Variants in UNC13A observed in about 807,000 individuals in gnomAD.
The protein encoded by UNC13A is protein unc-13 homolog A.
UNC13A carries 61 observed loss-of-function variants against 219.7 expected under a neutral mutation model. The observed-to-expected ratio is 0.28, with a 90% confidence interval of 0.23 to 0.34. UNC13A has a LOEUF of 0.34. Ranked by LOEUF, UNC13A falls within the 10% of genes least tolerant of loss-of-function variation. UNC13A has a pLI of 1.00. For missense variants in UNC13A, 1,476 were observed against 2,270.3 expected (o/e 0.65, Z 7.11); for synonymous variants, 920 against 884.6 (o/e 1.04, Z -0.71).
chr19:17,630,809 C>T (rs1400332201), intron 28 of UNC13A, 59 bp from the exon 29 acceptor site: 12 of 1,515,070 alleles, frequency 7.9e-6, no homozygotes, highest in African/African-American at 6.9e-5. Context: ...ACCTCTGCGC[C>T]GCCTGGTTCT....
chr19:17,637,692 CCTCAA>C (rs1782773888), intron 25 of UNC13A, among the ~76,000 whole-genome samples: 1 of 152,060 alleles, frequency 6.6e-6, no homozygotes, highest in African/African-American at 2.4e-5. Context: ...ATCCAGTTCA[CCTCAA>C]CTCAATTCAA....
intron 1 of UNC13A, among the ~76,000 whole-genome samples, chr19:17,679,465 C>T (rs1235416069): frequency 3.4e-5 from 5 of 146,934 alleles, no homozygotes; most frequent in Admixed American, 6.9e-5. Flanking sequence ...CTAGGGAGGG[C>T]AGGCAGGTGG....
chr19:17,680,161 T>G (rs1264765431), intron 1 of UNC13A, among the ~76,000 whole-genome samples: 17 of 100,858 alleles, frequency 1.7e-4, no homozygotes, highest in Admixed American at 6.3e-4. Context: ...GAGGGGAGGG[T>G]GGTATCGGGG....
intron 7 of UNC13A, among the ~76,000 whole-genome samples, chr19:17,664,422 C>T (rs532846386): frequency 9.8e-5 from 15 of 152,312 alleles, no homozygotes; most frequent in African/African-American, 3.1e-4. Context: ...ACGTGCAGTA[C>T]CTGGCACTTC....
At chr19:17,647,513 C>A in intron 16 of UNC13A, 21 bp from the exon 17 acceptor site, 1 of 1,606,258 alleles carries the variant, frequency 6.2e-7, no homozygotes, top group Non-Finnish European at 8.5e-7. Flanking sequence ...CCGAGGCCGG[C>A]GCTGACCCCA....
chr19:17,682,539 C>T (rs928539549), intron 1 of UNC13A, among the ~76,000 whole-genome samples: 3 of 152,066 alleles, frequency 2.0e-5, no homozygotes, highest in Admixed American at 6.6e-5. Context: ...AAAGTGAGGC[C>T]AGGTTAGGGA....
chr19:17,662,901 T>C (rs934812235), intron 8 of UNC13A, among the ~76,000 whole-genome samples: 9 of 129,586 alleles, frequency 6.9e-5, no homozygotes, highest in Admixed American at 3.5e-4. Context: ...GCCTGGGTGA[T>C]AGAGTGAGAC....
chr19:17,670,158 G>A (rs1461503578), intron 4 of UNC13A, among the ~76,000 whole-genome samples: 1 of 151,770 alleles, frequency 6.6e-6, no homozygotes, highest in African/African-American at 2.4e-5. Context: ...GTGTTAGCCA[G>A]GATGGTCTCA....
At position 17,627,613 on chromosome 19, in the gene UNC13A, G is replaced by C; in HGVS notation, c.3832-16C>G. 1 of 1,551,048 alleles carries C rather than the reference G, an allele frequency of 6.4e-7. No homozygotes were observed. Among genetic ancestry groups the C allele is most frequent in the Non-Finnish European group, 8.7e-7 (1 of 1,144,106 alleles). On this transcript the variant is annotated splice_polypyrimidine_tract_variant and intron_variant, in intron 32 of 43. Coordinates refer to ENST00000519716, the MANE Select transcript of UNC13A (RefSeq NM_001080421.3). The surrounding 1 kb of genome is among the most constrained non-coding windows in gnomAD (Gnocchi z 4.7). ...CAGCATCCAGCTAAGGAGGGAGAAGGGACACCAGGCCAGGTTCAGTAAGTA... is the reference window on the plus strand; with the variant it reads ...CAGCATCCAGCTAAGGAGGGAGAAGCGACACCAGGCCAGGTTCAGTAAGTA...
At position 17,639,902 on chromosome 19, in the gene UNC13A, G is replaced by A. The variant is rs2076949915; in HGVS notation, c.2794C>T (p.Arg932Cys). ...AGCTGGTCCAGGAGTTTCACGAAGC[G>A]CTCTTTCTGAGGAGGAAGGGGAGGA... is the stretch of plus-strand genomic sequence containing the variant. The part of the protein sequence containing the change: ...RFAASNFGKE[R>C]FVKLLDQLHN... The change falls in exon 23 of 44, where the codon CGC becomes TGC. Residue 932 changes from arginine to cysteine, a missense_variant. Arg to Cys is a radical substitution (Grantham distance 180). Coordinates refer to ENST00000519716, the MANE Select transcript of UNC13A (RefSeq NM_001080421.3). The A allele has an allele frequency of 1.2e-6, 2 of 1,613,626 alleles. No homozygotes were observed. The highest frequency in any genetic ancestry group is 8.5e-7 in the Non-Finnish European group (1 of 1,179,800).
chr19:17,643,900 G>A (rs751951780), intron 19 of UNC13A, among the ~76,000 whole-genome samples: 14 of 151,996 alleles, frequency 9.2e-5, no homozygotes, highest in Non-Finnish European at 1.6e-4. Flanking sequence ...TCCTGGGTCT[G>A]TGCCTCTCTC....
chr19:17,665,292 G>C (rs1418250968), intron 7 of UNC13A, among the ~76,000 whole-genome samples: 4 of 152,084 alleles, frequency 2.6e-5, no homozygotes, highest in Admixed American at 6.6e-5. Flanking sequence ...CAGCAGGTGG[G>C]AGCTCTGCCC....
chr19:17,609,286 T>C (rs1051204131), intron 43 of UNC13A, among the ~76,000 whole-genome samples: 10 of 152,040 alleles, frequency 6.6e-5, no homozygotes, highest in African/African-American at 2.4e-4. Context: ...GACTTTTTTA[T>C]GCTGTCCACA....
At chr19:17,630,102 C>G (rs1261259675) in intron 30 of UNC13A, 43 bp downstream of exon 30, 4 of 1,547,384 alleles carry the variant, frequency 2.6e-6, no homozygotes, top group Non-Finnish European at 2.6e-6. Context: ...TTCCCTAACC[C>G]TGACCCTGTC....
At chr19:17,638,967 T>C (rs944931456) in intron 25 of UNC13A, 116 bp downstream of exon 25, 35 of 1,243,148 alleles carry the variant, frequency 2.8e-5, no homozygotes, top group Non-Finnish European at 3.1e-5. Context: ...CCCCATTTTA[T>C]AGAAGAAGAT....
Position 17,605,810 on chromosome 19 carries a change from C to G in UNC13A, c.*244G>C. Reference sequence around the variant, plus strand: ...CCCCTAGGTGCTGGGGGCGTGGCCTCAAGTTGGGGATGTGGCTCCTTCCTT... The same window carrying G: ...CCCCTAGGTGCTGGGGGCGTGGCCTGAAGTTGGGGATGTGGCTCCTTCCTT... On this transcript the variant is annotated 3_prime_UTR_variant, in exon 44 of 44. Coordinates refer to ENST00000519716, the MANE Select transcript of UNC13A (RefSeq NM_001080421.3). 1 of 444,438 alleles carries G rather than the reference C, an allele frequency of 2.3e-6. No individual in the cohort carries two copies. Among genetic ancestry groups the G allele is most frequent in the South Asian group, 4.9e-5 (1 of 20,452 alleles). 27.5% of individuals were successfully genotyped at this position (444,438 alleles called of 1,614,324 possible).
At chr19:17,629,755 C>T (rs577880264) in intron 30 of UNC13A, among the ~76,000 whole-genome samples, 25 of 152,142 alleles carry the variant, frequency 1.6e-4, no homozygotes, top group African/African-American at 5.5e-4. Context: ...ATCTCAATTC[C>T]AAATCAAGAC....
At chr19:17,641,238 C>T (rs889187155) in intron 21 of UNC13A, among the ~76,000 whole-genome samples, 155 bp downstream of exon 21, 18 of 152,182 alleles carry the variant, frequency 1.2e-4, no homozygotes, top group South Asian at 4.1e-4. Flanking sequence ...TCAATCACAG[C>T]GCTCTCCTGA....
At chr19:17,665,745 C>T (rs1194298818) in intron 7 of UNC13A, among the ~76,000 whole-genome samples, 1 of 152,156 alleles carries the variant, frequency 6.6e-6, no homozygotes, top group Non-Finnish European at 1.5e-5. Context: ...GTGGGCTGCT[C>T]GGGGTTTGTG....
Sources: allele counts gnomAD v4.1 joint callset (sites outside exome capture counted in the v4.1 genomes callset), GRCh38; gene constraint gnomAD v4.1.1; non-coding constraint Gnocchi (gnomAD v3.1); transcripts MANE v1.5; gene names NCBI Gene and HGNC (gene_info 2026-07-23, HGNC 2026-07-21).